The following FAT2 variants were observed in gnomAD, a reference collection of about 807,000 sequenced individuals.
FAT2 encodes the protein FAT atypical cadherin 2, also known as protocadherin Fat 2.
Under a neutral mutation model 295.3 loss-of-function variants are expected in FAT2, and 150 were observed. The observed-to-expected ratio is 0.51, with a 90% CI of 0.44 to 0.58. FAT2 has a LOEUF of 0.58. FAT2 is among the 20% of genes least tolerant of loss of function. The pLI is 0.00. For synonymous variants in FAT2, 2,026 were observed against 2,150.3 expected (o/e 0.94, Z 1.60); for missense variants, 4,868 against 5,442.7 (o/e 0.89, Z 3.32).
intron 1 of FAT2, among the ~76,000 whole-genome samples, chr5:151,580,381 C>T (rs1758900493): frequency 6.6e-6 from 1 of 152,232 alleles, no homozygotes; most frequent in South Asian, 2.1e-4. Flanking sequence ...GCTGGTAACA[C>T]TTACCTTCCT....
At chr5:151,576,913 T>C (rs2127656999) in intron 1 of FAT2, among the ~76,000 whole-genome samples, 1 of 152,320 alleles carries the variant, frequency 6.6e-6, no homozygotes, top group South Asian at 2.1e-4. Context: ...GCTCCTAGGA[T>C]ACAAACCTGT....
chr5:151,541,682 A>G (rs1056170631), intron 10 of FAT2, among the ~76,000 whole-genome samples: 1 of 152,258 alleles, frequency 6.6e-6, no homozygotes, highest in Non-Finnish European at 1.5e-5. Context: ...GTTTTACAGT[A>G]GGTATCCACT....
intron 22 of FAT2, 160 bp downstream of exon 22, chr5:151,509,861 C>T (rs1207274106): frequency 1.3e-6 from 1 of 774,896 alleles, no homozygotes; most frequent in Admixed American, 2.4e-5. Flanking sequence ...TCCCTGGTGC[C>T]AAAAAGGTTG....
chr5:151,521,453 C>A lies in FAT2; in HGVS notation c.11140G>T (p.Val3714Leu). ...THSAKEMEHS[V>L]GVQMRSAMPM... ...ATAGCTGACCGCATCTGAACCCCCA[C>A]TGAATGCTCCATCTCCTTGGCTGAG... is the stretch of plus-strand genomic sequence containing the variant. The change falls in exon 19 of 24, where the codon GTG (valine) becomes TTG (leucine). Residue 3714 changes from valine to leucine, a missense_variant. Physicochemically the swap from Val to Leu is conservative, Grantham distance 32. This residue lies in a region of FAT2 where 1,046 missense variants were observed against 1,210.1 expected (regional missense o/e 0.86). Transcript: ENST00000261800. 2 of 1,614,242 alleles carry A rather than the reference C, an allele frequency of 1.2e-6. No homozygotes were observed. The highest frequency in any genetic ancestry group is 1.7e-6 in the Non-Finnish European group (2 of 1,180,048).
At chr5:151,556,498 G>C in intron 3 of FAT2, 96 bp from the exon 4 acceptor site, 1 of 785,610 alleles carries the variant, frequency 1.3e-6, no homozygotes, top group South Asian at 1.7e-5. Flanking sequence ...TCTCAGATAA[G>C]AATTCTTCTG....
chr5:151,588,750 C>G (rs577285194), intron 1 of FAT2, among the ~76,000 whole-genome samples: 94 of 152,156 alleles, frequency 6.2e-4, no homozygotes, highest in Non-Finnish European at 1.0e-3. Flanking sequence ...GGGAGGAACA[C>G]TTCAAGGTGC....
chr5:151,523,699 C>G (rs1753717372), intron 18 of FAT2, among the ~76,000 whole-genome samples: 1 of 152,222 alleles, frequency 6.6e-6, no homozygotes, highest in Non-Finnish European at 1.5e-5. Flanking sequence ...TAGGCAATCA[C>G]ATCCATGCTC....
chr5:151,533,398 AC>A (rs1754883616), intron 13 of FAT2, among the ~76,000 whole-genome samples: 1 of 112,694 alleles, frequency 8.9e-6, no homozygotes, highest in Admixed American at 8.8e-5. Context: ...TCTCCAACAC[AC>A]ACACACACAC....
intron 12 of FAT2, among the ~76,000 whole-genome samples, chr5:151,536,221 G>GA (rs11307084): frequency 7.9e-5 from 12 of 150,954 alleles, no homozygotes; most frequent in East Asian, 3.9e-4. Context: ...TCCATATTCA[G>GA]AAAAAAAAAC....
At position 151,568,108 on chromosome 5, in the gene FAT2, A is replaced by G. The variant is rs373184410; in HGVS notation, c.824T>C (p.Val275Ala). 5 of 1,614,098 alleles carry G rather than the reference A, an allele frequency of 3.1e-6. No homozygotes were observed. Among genetic ancestry groups the G allele is most frequent in the Non-Finnish European group, 4.2e-6 (5 of 1,180,046 alleles). ...DSNDGTTYAT[V>A]LVDANSSGAE... The stretch of plus-strand genomic sequence containing the variant: ...TCCTGAGCTATTTGCATCGACCAGT[A>G]CAGTGGCATAGGTGGTACCATCATT... The change falls in exon 2 of 24, where the codon GTA becomes GCA. Residue 275 changes from valine (V) to alanine (A), a missense_variant. Val to Ala is a moderately conservative substitution (Grantham distance 64, BLOSUM62 0). This residue lies in a region of FAT2 where 3,297 missense variants were observed against 3,669.4 expected (regional missense o/e 0.90). Coordinates refer to ENST00000261800, the MANE Select transcript of FAT2 (RefSeq NM_001447.3).
chr5:151,553,485 A>C (rs1403440755), intron 5 of FAT2, 98 bp from the exon 6 acceptor site: 2 of 1,032,056 alleles, frequency 1.9e-6, no homozygotes, highest in Non-Finnish European at 2.9e-6. Flanking sequence ...GATTCTGACC[A>C]AGCAGGCCTC....
chr5:151,554,470 G>A lies in FAT2; in HGVS notation c.3837C>T (p.Val1279=), dbSNP rs1757510847. The A allele has an allele frequency of 6.2e-7, 1 of 1,614,212 alleles. No individual in the cohort carries two copies. Among genetic ancestry groups the A allele is most frequent in the African/African-American group, 1.3e-5 (1 of 75,050 alleles). Residue 1279 remains valine, a synonymous_variant, in exon 5 of 24, where the codon GTC becomes GTT. Coordinates refer to ENST00000261800, the MANE Select transcript of FAT2 (RefSeq NM_001447.3). ...SDLDEGLNGR[V]TYSIEDSDEE... ...CATCGCTGTCCTCGATACTGTAGGT[G>A]ACTCTGCCATTAAGACCCTCATCCA...
upstream of FAT2, among the ~76,000 whole-genome samples, chr5:151,591,582 A>G (rs1759408616): frequency 6.6e-6 from 1 of 152,182 alleles, no homozygotes; most frequent in South Asian, 2.1e-4. Context: ...CCCAGGTCAC[A>G]CAGTCACACA....
chr5:151,529,808 CAG>C (rs1754397334), intron 14 of FAT2, among the ~76,000 whole-genome samples: 2 of 152,148 alleles, frequency 1.3e-5, no homozygotes, highest in South Asian at 2.1e-4. Flanking sequence ...TGACAGACCT[CAG>C]GGCATAAAAT....
chr5:151,505,378 T>G lies in FAT2; in HGVS notation c.*187A>C. 1 of 685,568 alleles carries G rather than the reference T, an allele frequency of 1.5e-6. No homozygotes were observed. The highest frequency in any genetic ancestry group is 2.4e-6 in the Non-Finnish European group (1 of 411,612). The allele number at this position is 685,568 out of a possible 1,614,324, so 42.5% of individuals were successfully genotyped here. On this transcript the variant is annotated 3_prime_UTR_variant, in exon 24 of 24. Transcript: ENST00000261800. ...TAGTGCTGTTTCTGGAGCTCTATCC[T>G]CAGCTTCCCTCCACCCTCAGGGACT...
intron 20 of FAT2, 86 bp downstream of exon 20, chr5:151,517,534 G>A: frequency 6.6e-7 from 1 of 1,511,640 alleles, no homozygotes; most frequent in Non-Finnish European, 9.1e-7. Flanking sequence ...GGCAGAAATG[G>A]GCTTCCTGAC....
intron 9 of FAT2, 142 bp downstream of exon 9, chr5:151,549,153 C>G (rs560248219): frequency 1.4e-6 from 1 of 711,968 alleles, no homozygotes; most frequent in East Asian, 2.7e-5. Flanking sequence ...TTAGGTAGTC[C>G]CAGGGAATGC....
At chr5:151,546,814 G>A (rs561192945) in intron 9 of FAT2, among the ~76,000 whole-genome samples, 1 of 152,150 alleles carries the variant, frequency 6.6e-6, no homozygotes, top group Non-Finnish European at 1.5e-5. Flanking sequence ...AAACTCCTGG[G>A]CTCAAGCGGT....
rs1313676738 is a variant in FAT2, at chr5:151,512,550, G to C, written c.11520C>G (p.Asn3840Lys). Residue 3840 changes from asparagine to lysine, a missense_variant, in exon 21 of 24, where the codon AAC (asparagine) becomes AAG (lysine). Physicochemically the swap from Asn to Lys is moderately conservative, Grantham distance 94. Coordinates refer to ENST00000261800, the MANE Select transcript of FAT2 (RefSeq NM_001447.3). This position sits in a 1 kb window ranked among gnomAD's most constrained non-coding sequence, Gnocchi z 4.1. ...CATTCACATGGCGCTGGGAGGAAAGGTTTCCATAGAAACCACCCAGACAGT... is the reference window on the plus strand; with the variant it reads ...CATTCACATGGCGCTGGGAGGAAAGCTTTCCATAGAAACCACCCAGACAGT... ...EYHCLGGFYG[N>K]LSSQRHVNDH... The C allele has an allele frequency of 6.2e-7, 1 of 1,614,090 alleles. No homozygotes were observed. Among genetic ancestry groups the C allele is most frequent in the Admixed American group, 1.7e-5 (1 of 60,022 alleles).
Sources: gnomAD v4.1 joint callset for allele counts (sites outside exome capture counted in the v4.1 genomes callset) on GRCh38, gnomAD v4.1.1 for gene constraint, gnomAD v4.1.1 regional missense constraint, Gnocchi (gnomAD v3.1) non-coding constraint, MANE v1.5 for transcripts, NCBI Gene and HGNC (gene_info 2026-07-23, HGNC 2026-07-21) for gene names.